Variants in DHX33 observed in about 807,000 individuals in gnomAD.
The protein encoded by DHX33 is ATP-dependent RNA helicase DHX33.
A neutral mutation model predicts 72.5 loss-of-function variants in DHX33; 42 were observed. The observed-to-expected ratio is 0.58, with a 90% CI of 0.45 to 0.75. The LOEUF (loss-of-function observed/expected upper bound fraction) is 0.75, where lower values mean the gene tolerates loss of function less well. DHX33 is among the 30% of genes least tolerant of loss of function. DHX33 has a pLI of 0.00. For missense variants in DHX33, 842 were observed against 917.5 expected (o/e 0.92, Z 1.06); for synonymous variants, 358 against 366.1 (o/e 0.98, Z 0.25).
intron 3 of DHX33, chr17:5,461,311 T>A: frequency 2.5e-6 from 1 of 404,410 alleles, no homozygotes; most frequent in Non-Finnish European, 4.2e-6. Flanking sequence ...TCCTTCTTTT[T>A]TTTTTTTTGA....
In DHX33 at chr17:5,444,836, G is replaced by A. The variant is rs900764536; in HGVS notation, c.1816-323C>T. Among the ~76,000 whole-genome samples the A allele has an allele frequency of 2.0e-4, 30 of 152,026 alleles. 1 individual carries two copies. Among genetic ancestry groups the A allele is most frequent in the African/African-American group, 7.2e-4 (30 of 41,404 alleles). The stretch of plus-strand genomic sequence containing the variant: ...CACCTAAATTCCATCAGGACGGCCC[G>A]GAAAGGAAAGGCCCTTCCCTCTCGC... On this transcript the variant is annotated intron_variant, in intron 11 of 11. Coordinates refer to ENST00000225296, the MANE Select transcript of DHX33 (RefSeq NM_020162.4). The surrounding 1 kb of genome is among the most constrained non-coding windows in gnomAD (Gnocchi z 4.9).
chr17:5,455,682 T>C (rs1199242549), intron 5 of DHX33, among the ~76,000 whole-genome samples: 1 of 152,230 alleles, frequency 6.6e-6, no homozygotes, highest in East Asian at 1.9e-4. Flanking sequence ...GCACAGTGCC[T>C]GGCACGGCAA....
Position 5,454,218 on chromosome 17 carries a change from C to T in DHX33, c.1148-238G>A, listed in dbSNP as rs138264650. 1.6e-4 allele frequency among the ~76,000 whole-genome samples: 25 copies of T among 152,294 alleles called. No homozygotes were observed. The East Asian group carries it at 4.4e-3, about 27-fold the overall frequency. ...TTACAAAAACATCAGAAAAACCTCA[C>T]GCATGCAGCAAGGGGCGAGAAGAGT... On this transcript the variant is annotated intron_variant, in intron 6 of 11. Transcript: ENST00000225296.
intron 2 of DHX33, 55 bp downstream of exon 2, chr17:5,463,474 T>A: frequency 6.4e-7 from 1 of 1,554,900 alleles, no homozygotes; most frequent in East Asian, 2.3e-5. Flanking sequence ...GCAGTGGGCA[T>A]GGGGAGAGAG....
rs758971758 is a variant in DHX33 at position 5,453,686 on chromosome 17, C to G, written c.1308-18G>C. ...GGTTACACCTGTGAAGAGCATGAGACCAGGGTCATGACCTGATCCCTCTGC... is the reference window on the plus strand; with the variant it reads ...GGTTACACCTGTGAAGAGCATGAGAGCAGGGTCATGACCTGATCCCTCTGC... On this transcript the variant is annotated intron_variant, in intron 7 of 11. Coordinates refer to ENST00000225296, the MANE Select transcript of DHX33 (RefSeq NM_020162.4). The G allele has an allele frequency of 1.9e-6, 3 of 1,613,768 alleles. No individual in the cohort carries two copies. In the East Asian group the frequency reaches 6.7e-5, roughly 36 times the overall value.
At chr17:5,446,536 G>GA (rs1003256024) in intron 11 of DHX33, among the ~76,000 whole-genome samples, 5 of 149,960 alleles carry the variant, frequency 3.3e-5, no homozygotes, top group Non-Finnish European at 5.9e-5. Context: ...AGTTGAAAAA[G>GA]AAAAAAAAAG....
chr17:5,445,046 C>T (rs1474941895), intron 11 of DHX33, among the ~76,000 whole-genome samples: 1 of 152,058 alleles, frequency 6.6e-6, no homozygotes, highest in Non-Finnish European at 1.5e-5. Flanking sequence ...CTGAGCTGCT[C>T]GCCTGTCTTT....
intron 8 of DHX33, 49 bp from the exon 9 acceptor site, chr17:5,450,983 G>C: frequency 6.3e-7 from 1 of 1,597,528 alleles, no homozygotes; most frequent in Non-Finnish European, 8.5e-7. Flanking sequence ...AAAAAATGAA[G>C]TTGCAGCTAG....
At chr17:5,463,802 C>A in intron 1 of DHX33, 113 bp from the exon 2 acceptor site, 1 of 1,064,824 alleles carries the variant, frequency 9.4e-7, no homozygotes, top group Non-Finnish European at 1.3e-6. Context: ...AGGAGGCTCT[C>A]TTGAGCCCAG....
intron 8 of DHX33, 118 bp from the exon 9 acceptor site, chr17:5,451,052 C>T (rs936225593): frequency 2.5e-5 from 29 of 1,146,630 alleles, no homozygotes; most frequent in East Asian, 4.9e-5. Context: ...AAATCATAAC[C>T]GCCACTGCCC....
chr17:5,468,271 C>A (rs1282908150), intron 1 of DHX33, among the ~76,000 whole-genome samples: 1 of 152,228 alleles, frequency 6.6e-6, no homozygotes, highest in Non-Finnish European at 1.5e-5. Flanking sequence ...GCCGCCTCCT[C>A]ACAAACCGGG....
In DHX33 at chr17:5,444,615, GC is replaced by G; in HGVS notation, c.1816-103del. The G allele has an allele frequency of 8.2e-7, 1 of 1,213,562 alleles. No individual in the cohort carries two copies. Among genetic ancestry groups the G allele is most frequent in the Non-Finnish European group, 1.1e-6 (1 of 872,202 alleles). The allele number at this position is 1,213,562 out of a possible 1,614,324, so 75.2% of individuals were successfully genotyped here. A position where few individuals can be genotyped will look rare whatever the true frequency, so the allele number is the denominator to read the frequency against. On this transcript the variant is annotated intron_variant, in intron 11 of 11. Transcript: ENST00000225296. This position sits in a 1 kb window ranked among gnomAD's most constrained non-coding sequence, Gnocchi z 4.9. Reference sequence around the variant, plus strand: ...AACTGGACCCACTGGGGCAAAAGCAGCCCACATTGTGAGCCTAACGATGTGG... The same window carrying G: ...AACTGGACCCACTGGGGCAAAAGCAGCCACATTGTGAGCCTAACGATGTGG...
intron 8 of DHX33, among the ~76,000 whole-genome samples, 196 bp from the exon 9 acceptor site, chr17:5,451,130 G>A (rs932293267): frequency 6.6e-5 from 10 of 152,160 alleles, no homozygotes; most frequent in African/African-American, 2.2e-4. Flanking sequence ...TTTTGAGACA[G>A]AGTCTTGCTC....
At chr17:5,455,562 G>A (rs375006890) in intron 5 of DHX33, among the ~76,000 whole-genome samples, 13 of 152,228 alleles carry the variant, frequency 8.5e-5, no homozygotes, top group Admixed American at 2.0e-4. Flanking sequence ...CTTACTATGC[G>A]CCCCCTTGAG....
intron 10 of DHX33, among the ~76,000 whole-genome samples, chr17:5,449,596 C>G (rs564210320): frequency 2.0e-5 from 3 of 152,240 alleles, no homozygotes; most frequent in African/African-American, 7.2e-5. Flanking sequence ...ACAACCACGC[C>G]CGGCTAATTC....
chr17:5,441,887 TTTTCTTTC>T lies in DHX33; in HGVS notation c.*2310_*2317del, dbSNP rs575354353. The stretch of plus-strand genomic sequence containing the variant: ...ACATAAATTACCCCAAGTTTTTTCT[TTTTCTTTC>T]TTTCTTTCTTTTTTTTTCTGAGACC... On this transcript the variant is annotated 3_prime_UTR_variant, in exon 12 of 12. Coordinates refer to ENST00000225296, the MANE Select transcript of DHX33 (RefSeq NM_020162.4). The T allele has an allele frequency of 1.3e-5, 2 of 152,088 alleles. No homozygotes were observed. Among genetic ancestry groups the T allele is most frequent in the African/African-American group, 4.8e-5 (2 of 41,398 alleles). The allele number at this position is 152,088 out of a possible 1,614,324, so 9.4% of individuals were successfully genotyped here.
chr17:5,456,719 G>A (rs887041423), intron 4 of DHX33, among the ~76,000 whole-genome samples: 1 of 152,150 alleles, frequency 6.6e-6, no homozygotes, highest in Non-Finnish European at 1.5e-5. Flanking sequence ...AGCATAATCA[G>A]GCAAGCAAAT....
intron 1 of DHX33, among the ~76,000 whole-genome samples, chr17:5,465,351 T>A (rs2151692989): frequency 6.6e-6 from 1 of 152,326 alleles, no homozygotes; most frequent in South Asian, 2.1e-4. Flanking sequence ...TTCTGCAATC[T>A]TCCTGCTGAA....
chr17:5,455,420 T>C (rs1340398250), intron 5 of DHX33, 149 bp from the exon 6 acceptor site: 1 of 693,352 alleles, frequency 1.4e-6, no homozygotes, highest in African/African-American at 1.8e-5. Flanking sequence ...TATTAATGGT[T>C]GGTCATTAAA....
Sources: gnomAD v4.1 joint callset for allele counts (sites outside exome capture counted in the v4.1 genomes callset) on GRCh38, gnomAD v4.1.1 for gene constraint, Gnocchi (gnomAD v3.1) non-coding constraint, MANE v1.5 for transcripts, NCBI Gene and HGNC (gene_info 2026-07-23, HGNC 2026-07-21) for gene names.